GRIK2: variants seen among roughly 807,000 people sequenced by gnomAD.
GRIK2 encodes glutamate ionotropic receptor kainate type subunit 2, also known as glutamate receptor ionotropic, kainate 2.
A neutral mutation model predicts 100.3 loss-of-function variants in GRIK2; 32 were observed. The ratio of observed to expected loss-of-function variants is 0.32; its 90% confidence interval spans 0.24 to 0.43. GRIK2 has a LOEUF of 0.43. Ranked by LOEUF, GRIK2 falls within the 20% of genes least tolerant of loss-of-function variation. The probability of loss-of-function intolerance (pLI) is 1.00; values close to 1 mark genes in which losing one functional copy is unlikely to be tolerated. For missense variants in GRIK2, 843 were observed against 1,114.9 expected, an observed-to-expected ratio of 0.76 and a Z score of 3.47; for synonymous variants, 417 against 389.4, an observed-to-expected ratio of 1.07 and a Z score of -0.83.
chr6:101,784,875 T>C lies in GRIK2; in HGVS notation c.952-14773T>C, dbSNP rs542457021. 3.3e-5 allele frequency among the ~76,000 whole-genome samples: 5 copies of C among 152,288 alleles called. No homozygotes were observed. The East Asian group carries it at 9.7e-4, about 29-fold the overall frequency. ...TGTTTATAAATTACCCAGTCTCAGG[T>C]AGTATCTTTATAGCAGTGTGAAAAC... On this transcript the variant is annotated intron_variant, in intron 7 of 16. Transcript: ENST00000369134.
chr6:101,658,442 C>G (rs1209491631), intron 4 of GRIK2, among the ~76,000 whole-genome samples: 2 of 152,162 alleles, frequency 1.3e-5, no homozygotes, highest in East Asian at 3.9e-4. Flanking sequence ...TTCTCTTTAT[C>G]CAGTCTATCA....
intron 7 of GRIK2, among the ~76,000 whole-genome samples, chr6:101,789,521 C>T (rs1490097336): frequency 1.3e-5 from 2 of 152,000 alleles, no homozygotes; most frequent in East Asian, 1.9e-4. Flanking sequence ...GTTGTAGATA[C>T]ATGGCGTTAT....
chr6:101,798,289 A>C (rs1780452408), intron 7 of GRIK2, among the ~76,000 whole-genome samples: 1 of 152,110 alleles, frequency 6.6e-6, no homozygotes, highest in African/African-American at 2.4e-5. Flanking sequence ...TAATATATGT[A>C]ATATGTCCTC....
chr6:102,007,145 G>T (rs369295048), intron 14 of GRIK2, among the ~76,000 whole-genome samples: 8 of 152,050 alleles, frequency 5.3e-5, no homozygotes, highest in Non-Finnish European at 8.8e-5. Flanking sequence ...AATATGGATG[G>T]TTCCTTAAAG....
chr6:102,018,501 C>T (rs1272573588), intron 14 of GRIK2, among the ~76,000 whole-genome samples: 1 of 152,030 alleles, frequency 6.6e-6, no homozygotes, highest in Non-Finnish European at 1.5e-5. Flanking sequence ...CTGGGTTCCC[C>T]TAGAGTTTAT....
chr6:102,024,548 C>T (rs1769594133), intron 14 of GRIK2, among the ~76,000 whole-genome samples: 3 of 150,972 alleles, frequency 2.0e-5, no homozygotes, highest in African/African-American at 2.4e-5. Context: ...TTGAATGGTT[C>T]GAACCTTAAA....
At chr6:101,587,306 T>C (rs1778423766) in intron 2 of GRIK2, among the ~76,000 whole-genome samples, 1 of 151,810 alleles carries the variant, frequency 6.6e-6, no homozygotes, top group African/African-American at 2.4e-5. Context: ...GTGACACAAG[T>C]GAAAAAGAGG....
intron 2 of GRIK2, among the ~76,000 whole-genome samples, chr6:101,608,386 A>T (rs1008539921): frequency 3.9e-5 from 6 of 151,998 alleles, no homozygotes; most frequent in East Asian, 1.9e-4. Flanking sequence ...AGATTGTTTC[A>T]ATTGTATTTC....
At chr6:101,741,754 G>A (rs1776044123) in intron 7 of GRIK2, among the ~76,000 whole-genome samples, 1 of 152,104 alleles carries the variant, frequency 6.6e-6, no homozygotes, top group African/African-American at 2.4e-5. Context: ...TTCATTTTCT[G>A]TAGCTCAAAT....
intron 2 of GRIK2, among the ~76,000 whole-genome samples, chr6:101,417,407 C>T (rs959806534): frequency 1.3e-5 from 2 of 152,156 alleles, no homozygotes; most frequent in Non-Finnish European, 2.9e-5. Context: ...GGAGCCTATA[C>T]AACCTCAGCA....
Position 101,928,585 on chromosome 6 carries a change from A to T in GRIK2, c.2038A>T (p.Ile680Leu). Residue 680 changes from isoleucine (I) to leucine (L), a missense_variant, in exon 14 of 17, where the codon ATA becomes TTA. This residue lies in a region of GRIK2 where 237 missense variants were observed against 388.0 expected (regional missense o/e 0.61). Coordinates refer to ENST00000369134, the MANE Select transcript of GRIK2 (RefSeq NM_021956.5). ...SADDLAKQTK[I>L]EYGAVEDGAT... ...TGATGATTTAGCTAAACAAACCAAG[A>T]TAGAATATGGAGCAGTAGAGGATGG... is the stretch of plus-strand genomic sequence containing the variant. The T allele has an allele frequency of 6.2e-7, 1 of 1,606,930 alleles. No homozygotes were observed. Among genetic ancestry groups the T allele is most frequent in the Non-Finnish European group, 8.5e-7 (1 of 1,173,484 alleles).
intron 14 of GRIK2, among the ~76,000 whole-genome samples, chr6:101,985,041 C>T (rs1264577438): frequency 6.6e-6 from 1 of 151,638 alleles, no homozygotes; most frequent in Non-Finnish European, 1.5e-5. Context: ...CAGTGGAAAA[C>T]TTATTGCTAT....
rs1772130829 is a variant in GRIK2 at position 102,068,597 on chromosome 6, T to A, written c.*86T>A. 1 of 1,186,000 alleles carries A rather than the reference T, an allele frequency of 8.4e-7. No individual in the cohort carries two copies. The allele number at this position is 1,186,000 out of a possible 1,614,324, so 73.5% of individuals were successfully genotyped here. On this transcript the variant is annotated 3_prime_UTR_variant, in exon 17 of 17. Transcript: ENST00000369134. ...ATGTTTCCTGTGGAAATATGCAACC[T>A]GTGCAAAATAAAATGAGTTACCTCA...
At chr6:101,999,171 A>G (rs182932090) in intron 14 of GRIK2, among the ~76,000 whole-genome samples, 1 of 152,094 alleles carries the variant, frequency 6.6e-6, no homozygotes, top group Admixed American at 6.6e-5. Context: ...GTCAGGTAGT[A>G]TATATCCTTC....
chr6:101,647,643 A>G lies in GRIK2; in HGVS notation c.541+21006A>G, dbSNP rs1483318062. On this transcript the variant is annotated intron_variant, in intron 4 of 16. Coordinates refer to ENST00000369134, the MANE Select transcript of GRIK2 (RefSeq NM_021956.5). ...TAATGTCACTACAAGAAGGATGCATAATGTCATAAAAATGTACTTCATACG... is the reference window on the plus strand; with the variant it reads ...TAATGTCACTACAAGAAGGATGCATGATGTCATAAAAATGTACTTCATACG... 2.0e-5 allele frequency among the ~76,000 whole-genome samples: 3 copies of G among 152,040 alleles called. No individual in the cohort carries two copies. In the East Asian group the frequency reaches 5.8e-4, roughly 29 times the overall value.
chr6:101,696,519 G>A (rs961866600), intron 7 of GRIK2, among the ~76,000 whole-genome samples: 1 of 151,906 alleles, frequency 6.6e-6, no homozygotes, highest in African/African-American at 2.4e-5. Flanking sequence ...ATGTTAGGAT[G>A]TATACAGTGG....
intron 2 of GRIK2, among the ~76,000 whole-genome samples, chr6:101,540,248 G>A (rs1186753722): frequency 6.6e-6 from 1 of 151,810 alleles, no homozygotes; most frequent in African/African-American, 2.4e-5. Context: ...GCCAGTGTCA[G>A]TTTAAGTTTA....
intron 14 of GRIK2, among the ~76,000 whole-genome samples, chr6:101,942,474 A>G (rs1174578291): frequency 6.6e-6 from 1 of 152,198 alleles, no homozygotes; most frequent in Non-Finnish European, 1.5e-5. Flanking sequence ...AACTTCCTAG[A>G]GACTTGTTGA....
intron 7 of GRIK2, among the ~76,000 whole-genome samples, chr6:101,795,587 A>G (rs1449098839): frequency 6.6e-6 from 1 of 152,216 alleles, no homozygotes; most frequent in Non-Finnish European, 1.5e-5. Flanking sequence ...CCTAAGCAGT[A>G]TGCATGGCAT....
Sources: gnomAD v4.1 joint callset for allele counts (sites outside exome capture counted in the v4.1 genomes callset) on GRCh38, gnomAD v4.1.1 for gene constraint, gnomAD v4.1.1 regional missense constraint, MANE v1.5 for transcripts, NCBI Gene and HGNC (gene_info 2026-07-23, HGNC 2026-07-21) for gene names.